The following GREB1L variants were observed in gnomAD, a reference collection of about 807,000 sequenced individuals.
GREB1L encodes the protein GREB1-like protein.
GREB1L carries 17 observed loss-of-function variants against 200.8 expected under a neutral mutation model. That is an observed-to-expected ratio of 0.08 (90% CI 0.06 to 0.13). The LOEUF is 0.13. Among genes scored for constraint, GREB1L ranks in the 10% least tolerant of loss-of-function variants. The probability of loss-of-function intolerance (pLI) is 1.00; values close to 1 mark genes in which losing one functional copy is unlikely to be tolerated. For missense variants in GREB1L, 1,657 were observed against 2,367.7 expected (o/e 0.70, Z 6.23); for synonymous variants, 789 against 893.0 (o/e 0.88, Z 2.08).
chr18:21,444,728 T>G (rs1206376518), intron 11 of GREB1L, among the ~76,000 whole-genome samples: 1 of 152,244 alleles, frequency 6.6e-6, no homozygotes, highest in Non-Finnish European at 1.5e-5. Flanking sequence ...TGAGCACCCC[T>G]TCTCTGGGGA....
At chr18:21,430,404 CA>C (rs1286039605) in intron 7 of GREB1L, among the ~76,000 whole-genome samples, 1 of 151,318 alleles carries the variant, frequency 6.6e-6, no homozygotes, top group South Asian at 2.1e-4. Context: ...ACTCAAAAAA[CA>C]AACTTTTGGT....
chr18:21,483,224 A>C (rs1452097761), intron 17 of GREB1L, among the ~76,000 whole-genome samples: 1 of 152,232 alleles, frequency 6.6e-6, no homozygotes, highest in Non-Finnish European at 1.5e-5. Flanking sequence ...TGTCAGGAAG[A>C]GCAGCAGGCT....
At chr18:21,328,390 A>T (rs1246825965) in intron 1 of GREB1L, among the ~76,000 whole-genome samples, 3 of 152,206 alleles carry the variant, frequency 2.0e-5, no homozygotes, top group African/African-American at 7.2e-5. Flanking sequence ...CCCCAACCTG[A>T]AAATAGTGCC....
chr18:21,438,265 C>G (rs1166410999), intron 7 of GREB1L, among the ~76,000 whole-genome samples: 1 of 151,908 alleles, frequency 6.6e-6, no homozygotes, highest in African/African-American at 2.4e-5. Context: ...GGAGTGAGAC[C>G]CTGTTTCAAA....
intron 7 of GREB1L, among the ~76,000 whole-genome samples, chr18:21,430,447 C>T (rs1322437960): frequency 6.6e-6 from 1 of 151,548 alleles, no homozygotes; most frequent in African/African-American, 2.4e-5. Flanking sequence ...TTCTCTATTC[C>T]TTACTTTATT....
Position 21,499,819 on chromosome 18 carries a change from C to A in GREB1L, c.3482C>A (p.Thr1161Asn). 6.4e-7 allele frequency: 1 copy of A among 1,551,908 alleles called. No homozygotes were observed. Among genetic ancestry groups the A allele is most frequent in the East Asian group, 2.4e-5 (1 of 40,910 alleles). Residue 1161 changes from threonine (T) to asparagine (N), a missense_variant, in exon 22 of 33, where the codon ACC (threonine) becomes AAC (asparagine). Coordinates refer to ENST00000424526, the MANE Select transcript of GREB1L (RefSeq NM_001142966.3). ...ACCCCCAGCTTTCAGAGCCCAGCCA[C>A]CAGCTTGGGGCTGGATGAAGGGGTC... ...SLTPSFQSPA[T>N]SLGLDEGVSA...
Position 21,403,863 on chromosome 18 carries a change from CTT to C in GREB1L, c.710-6_710-5del. Reference sequence around the variant, plus strand: ...CACTTCATACAATGTGATTTTTACTCTTTTCCAGAATGTAGAAGCCGACAATC... The same window carrying C: ...CACTTCATACAATGTGATTTTTACTCTTCCAGAATGTAGAAGCCGACAATC... On this transcript the variant is annotated splice_polypyrimidine_tract_variant and splice_region_variant and intron_variant, in intron 6 of 32. Coordinates refer to ENST00000424526, the MANE Select transcript of GREB1L (RefSeq NM_001142966.3). 1 of 1,550,264 alleles carries C rather than the reference CTT, an allele frequency of 6.5e-7. No individual in the cohort carries two copies. The highest frequency in any genetic ancestry group is 8.7e-7 in the Non-Finnish European group (1 of 1,145,914).
chr18:21,326,483 C>T (rs1250220627), intron 1 of GREB1L, among the ~76,000 whole-genome samples: 2 of 152,168 alleles, frequency 1.3e-5, no homozygotes, highest in African/African-American at 2.4e-5. Flanking sequence ...GATAGCCGGT[C>T]GCTGGGGCTC....
At position 21,525,505 on chromosome 18, in the gene GREB1L, A is replaced by AAGTC. The variant is rs1411422268; in HGVS notation, c.*2690_*2693dup. 5 of 152,154 alleles carry AAGTC rather than the reference A, an allele frequency of 3.3e-5. No homozygotes were observed. The highest frequency in any genetic ancestry group is 4.1e-4 in the South Asian group (2 of 4,828). The allele number at this position is 152,154 out of a possible 1,614,324, so 9.4% of individuals were successfully genotyped here. A position where few individuals can be genotyped will look rare whatever the true frequency, so the allele number is the denominator to read the frequency against. On this transcript the variant is annotated 3_prime_UTR_variant, in exon 33 of 33. Coordinates refer to ENST00000424526, the MANE Select transcript of GREB1L (RefSeq NM_001142966.3). ...TCTGGCAATGTCCTAAAAAGGCTGG[A>AAGTC]AGTCAGTCACATTATAGGTTGGACA...
At chr18:21,243,824 A>C (rs2037549438) in intron 1 of GREB1L, among the ~76,000 whole-genome samples, 1 of 135,954 alleles carries the variant, frequency 7.4e-6, no homozygotes, top group African/African-American at 3.0e-5. Flanking sequence ...GAAAATGTTT[A>C]ATGAATGAAT....
At chr18:21,420,383 AAAAAG>A (rs1188293914) in intron 7 of GREB1L, among the ~76,000 whole-genome samples, 11 of 152,014 alleles carry the variant, frequency 7.2e-5, no homozygotes, top group African/African-American at 1.9e-4. Context: ...CGAAAAAAAA[AAAAAG>A]AAAAGAAAAG....
intron 1 of GREB1L, among the ~76,000 whole-genome samples, chr18:21,258,327 A>G (rs2037833859): frequency 6.6e-6 from 1 of 152,160 alleles, no homozygotes; most frequent in African/African-American, 2.4e-5. Flanking sequence ...TTGTTTATTC[A>G]CCAGACTGCA....
At chr18:21,429,203 C>A (rs1341157578) in intron 7 of GREB1L, among the ~76,000 whole-genome samples, 1 of 83,478 alleles carries the variant, frequency 1.2e-5, no homozygotes, top group African/African-American at 4.8e-5. Context: ...CCTCCCCTCC[C>A]CTCCGCTCCC....
rs1379125724 is a variant in GREB1L, at chr18:21,500,278, G to T, written c.3941G>T (p.Arg1314Leu). The T allele has an allele frequency of 2.1e-6, 3 of 1,398,294 alleles. No homozygotes were observed. The highest frequency in any genetic ancestry group is 2.9e-6 in the Non-Finnish European group (3 of 1,020,030). 86.6% of individuals were successfully genotyped at this position (1,398,294 alleles called of 1,614,324 possible). ...TCTGGCACCCGAAACTTCCACCCCC[G>T]ACGGCTCCTGCTGACAGGGCCCCCA... ...PASGTRNFHP[R>L]RLLLTGPPQV... Residue 1314 changes from arginine to leucine, a missense_variant, in exon 22 of 33, where the codon CGA becomes CTA. Coordinates refer to ENST00000424526, the MANE Select transcript of GREB1L (RefSeq NM_001142966.3).
At position 21,522,020 on chromosome 18, in the gene GREB1L, A is replaced by AAGACAC; in HGVS notation, c.5609-634_5609-629dup. On this transcript the variant is annotated intron_variant, in intron 32 of 32. Coordinates refer to ENST00000424526, the MANE Select transcript of GREB1L (RefSeq NM_001142966.3). ...CTCCGTCTCCAAAAAAAAAAAAGGT[A>AAGACAC]AGACACAGAATAGCCCCCACAACAA... 1.3e-5 allele frequency among the ~76,000 whole-genome samples: 2 copies of AAGACAC among 150,856 alleles called. 1 individual carries two copies. Among genetic ancestry groups the AAGACAC allele is most frequent in the Middle Eastern group, 6.8e-3 (2 of 294 alleles).
chr18:21,506,615 G>A (rs2037032185), intron 25 of GREB1L, among the ~76,000 whole-genome samples: 1 of 152,182 alleles, frequency 6.6e-6, no homozygotes, highest in Admixed American at 6.5e-5. Flanking sequence ...TCCCTTTGGA[G>A]CACTGACTAA....
At chr18:21,503,231 G>A (rs2036870903) in intron 23 of GREB1L, among the ~76,000 whole-genome samples, 1 of 151,688 alleles carries the variant, frequency 6.6e-6, no homozygotes, top group Non-Finnish European at 1.5e-5. Flanking sequence ...TATATTTTAA[G>A]ATGGAGTTTC....
rs7244968 is a variant in GREB1L at position 21,339,369 on chromosome 18, C to T, written c.-119-26658C>T. ...TCAGATATTTCTAATCAGGAATTTT[C>T]ACAAGCTGTGTAAGTAAAATCATGT... On this transcript the variant is annotated intron_variant, in intron 1 of 32. Coordinates refer to ENST00000424526, the MANE Select transcript of GREB1L (RefSeq NM_001142966.3). Among the ~76,000 whole-genome samples the T allele has an allele frequency of 2.9e-3, 441 of 152,242 alleles. 5 individuals are homozygous for T. The highest frequency in any genetic ancestry group is 1.0e-2 in the African/African-American group (414 of 41,552).
At chr18:21,470,236 T>C (rs2035428719) in intron 15 of GREB1L, among the ~76,000 whole-genome samples, 1 of 152,076 alleles carries the variant, frequency 6.6e-6, no homozygotes, top group African/African-American at 2.4e-5. Flanking sequence ...CACAGTGAGA[T>C]GTGATCACAC....
Sources: allele counts gnomAD v4.1 joint callset (sites outside exome capture counted in the v4.1 genomes callset), GRCh38; gene constraint gnomAD v4.1.1; transcripts MANE v1.5; gene names NCBI Gene and HGNC (gene_info 2026-07-23, HGNC 2026-07-21).